The following KCNQ5 variants were observed in gnomAD, a reference collection of about 807,000 sequenced individuals.
The protein encoded by KCNQ5 is potassium voltage-gated channel subfamily Q member 5, also known as potassium voltage-gated channel subfamily KQT member 5.
A neutral mutation model predicts 98.2 loss-of-function variants in KCNQ5; 30 were observed. The observed-to-expected ratio is 0.31, with a 90% CI of 0.23 to 0.41. KCNQ5 has a LOEUF of 0.41. Ranked by LOEUF, KCNQ5 falls within the 10% of genes least tolerant of loss-of-function variation. The pLI is 1.00. For synonymous variants in KCNQ5, 458 were observed against 449.4 expected (o/e 1.02, Z -0.24); for missense variants, 835 against 1,182.5 (o/e 0.71, Z 4.31).
rs866590945 is a variant in KCNQ5 at position 73,077,436 on chromosome 6, G to A, written c.731G>A (p.Arg244His). The A allele has an allele frequency of 1.2e-6, 2 of 1,614,102 alleles. No individual in the cohort carries two copies. The highest frequency in any genetic ancestry group is 8.5e-7 in the Non-Finnish European group (1 of 1,179,976). ...TTCCTACAGATCCTCCGCATGGTGCGCATGGACCGAAGGGGAGGCACTTGG... is the reference window on the plus strand; with the variant it reads ...TTCCTACAGATCCTCCGCATGGTGCACATGGACCGAAGGGGAGGCACTTGG... ...LRFLQILRMV[R>H]MDRRGGTWKL... Residue 244 changes from arginine to histidine, a missense_variant, in exon 4 of 14, where the codon CGC (arginine) becomes CAC (histidine). Coordinates refer to ENST00000370398, the MANE Select transcript of KCNQ5 (RefSeq NM_019842.4).
intron 1 of KCNQ5, among the ~76,000 whole-genome samples, chr6:72,766,321 G>C (rs775790258): frequency 6.6e-6 from 1 of 151,992 alleles, no homozygotes; most frequent in Non-Finnish European, 1.5e-5. Context: ...GCTAAATCAT[G>C]CAAGGCTGGG....
intron 3 of KCNQ5, among the ~76,000 whole-genome samples, chr6:73,057,065 C>G (rs1022062994): frequency 4.6e-5 from 7 of 152,060 alleles, no homozygotes; most frequent in African/African-American, 1.7e-4. Context: ...ATAGCAAAGA[C>G]TTAGAACCAA....
chr6:72,971,253 T>C (rs1370005479), intron 1 of KCNQ5, among the ~76,000 whole-genome samples: 4 of 151,862 alleles, frequency 2.6e-5, no homozygotes, highest in East Asian at 1.9e-4. Context: ...AAATGCTCAT[T>C]ATCACTGGCC....
chr6:73,033,113 C>A (rs1409860794), intron 2 of KCNQ5, among the ~76,000 whole-genome samples: 1 of 152,150 alleles, frequency 6.6e-6, no homozygotes, highest in Admixed American at 6.5e-5. Flanking sequence ...GGCATCCCAA[C>A]TAGTAACTGG....
At chr6:72,956,742 A>C (rs1385802356) in intron 1 of KCNQ5, among the ~76,000 whole-genome samples, 1 of 151,232 alleles carries the variant, frequency 6.6e-6, no homozygotes, top group East Asian at 1.9e-4. Context: ...TACATGCAAA[A>C]CCTATGTATT....
rs191893047 is a variant in KCNQ5, at chr6:73,191,317, T to C, written c.1709+613T>C. ...GGTTGCAAGTGTGTTCACCTTGCTCTGGACTAAGACTGAGGTCCTTCATTC... is the reference window on the plus strand; with the variant it reads ...GGTTGCAAGTGTGTTCACCTTGCTCCGGACTAAGACTGAGGTCCTTCATTC... On this transcript the variant is annotated intron_variant, in intron 12 of 13. Transcript: ENST00000370398. Among the ~76,000 whole-genome samples, 101 of 151,604 alleles carry C rather than the reference T, an allele frequency of 6.7e-4. No homozygotes were observed. In the East Asian group the frequency reaches 0.016, roughly 25 times the overall value.
chr6:73,077,559 ATAGT>A, intron 4 of KCNQ5, 62 bp downstream of exon 4: 1 of 1,498,974 alleles, frequency 6.7e-7, no homozygotes, highest in East Asian at 2.4e-5. Flanking sequence ...GATCGCTGTA[ATAGT>A]TAATAAACCT....
chr6:72,791,546 C>G (rs1395635483), intron 1 of KCNQ5, among the ~76,000 whole-genome samples: 1 of 152,146 alleles, frequency 6.6e-6, no homozygotes, highest in Non-Finnish European at 1.5e-5. Context: ...CCTGCCTATG[C>G]CTGGTTGGTG....
At chr6:73,183,030 T>A (rs16883468) in intron 11 of KCNQ5, among the ~76,000 whole-genome samples, 7,304 of 152,174 alleles carry the variant, frequency 0.048, 196 homozygotes, top group East Asian at 0.1. Flanking sequence ...AGGCAGATGT[T>A]TTCCAAGTAT....
chr6:72,759,431 C>T (rs751756602), intron 1 of KCNQ5, among the ~76,000 whole-genome samples: 13 of 152,050 alleles, frequency 8.5e-5, no homozygotes, highest in Non-Finnish European at 1.6e-4. Context: ...TAAAGGAGGG[C>T]CATACAATAA....
intron 1 of KCNQ5, among the ~76,000 whole-genome samples, chr6:72,704,239 C>T (rs1007591142): frequency 6.6e-6 from 1 of 152,090 alleles, no homozygotes; most frequent in Non-Finnish European, 1.5e-5. Flanking sequence ...ATATTCCTCC[C>T]TCTGTTTATG....
intron 1 of KCNQ5, among the ~76,000 whole-genome samples, chr6:72,918,030 A>C (rs1780236043): frequency 6.6e-6 from 1 of 152,170 alleles, no homozygotes; most frequent in African/African-American, 2.4e-5. Flanking sequence ...GTAACAACCA[A>C]AAATGTCTCC....
intron 2 of KCNQ5, among the ~76,000 whole-genome samples, chr6:73,017,723 G>A (rs1401244933): frequency 6.6e-6 from 1 of 152,168 alleles, no homozygotes; most frequent in Non-Finnish European, 1.5e-5. Flanking sequence ...AAAAGAGACT[G>A]TGCAAGTGTT....
In KCNQ5 at chr6:72,812,617, T is replaced by G. The variant is rs769447020; in HGVS notation, c.398+190030T>G. On this transcript the variant is annotated intron_variant, in intron 1 of 13. Coordinates refer to ENST00000370398, the MANE Select transcript of KCNQ5 (RefSeq NM_019842.4). ...GAAAGAGCTAAGTGCCACTTTTGTATGAGGAAGGTCACTCCTGGCCAGAAA... is the reference window on the plus strand; with the variant it reads ...GAAAGAGCTAAGTGCCACTTTTGTAGGAGGAAGGTCACTCCTGGCCAGAAA... Among the ~76,000 whole-genome samples the G allele has an allele frequency of 2.0e-5, 3 of 152,278 alleles. No individual in the cohort carries two copies. In the South Asian group the frequency reaches 6.2e-4, roughly 32 times the overall value.
In KCNQ5 at chr6:72,986,692, G is replaced by A. The variant is rs1768792928; in HGVS notation, c.399-17216G>A. 4 of 1,132,510 alleles carry A rather than the reference G, an allele frequency of 3.5e-6. No individual in the cohort carries two copies. The East Asian group carries it at 9.6e-5, about 27-fold the overall frequency. The allele number at this position is 1,132,510 out of a possible 1,614,324, so 70.2% of individuals were successfully genotyped here. On this transcript the variant is annotated intron_variant, in intron 1 of 13. Coordinates refer to ENST00000370398, the MANE Select transcript of KCNQ5 (RefSeq NM_019842.4). ...TTGGCCATTTGGAGTTCCTCTGTGG[G>A]GAGAAGAAAAAGAAGAAGTCACCTC...
At chr6:72,906,888 G>A (rs947332927) in intron 1 of KCNQ5, among the ~76,000 whole-genome samples, 6 of 152,216 alleles carry the variant, frequency 3.9e-5, no homozygotes, top group African/African-American at 1.4e-4. Context: ...ATCCATCAGA[G>A]TTGGGGCTGC....
intron 1 of KCNQ5, among the ~76,000 whole-genome samples, chr6:72,736,710 G>A (rs542460983): frequency 0.012 from 1,733 of 150,148 alleles, 30 homozygotes; most frequent in African/African-American, 0.04. Flanking sequence ...CGTTTTAGCC[G>A]GGATGGTCTC....
chr6:72,953,254 A>C (rs918908928), intron 1 of KCNQ5, among the ~76,000 whole-genome samples: 1 of 152,212 alleles, frequency 6.6e-6, no homozygotes, highest in African/African-American at 2.4e-5. Context: ...GTGATTAATT[A>C]ACATTTTTTC....
chr6:72,643,178 T>C (rs1343128499), intron 1 of KCNQ5, among the ~76,000 whole-genome samples: 1 of 151,874 alleles, frequency 6.6e-6, no homozygotes, highest in Non-Finnish European at 1.5e-5. Flanking sequence ...AGTACCTGGG[T>C]AACAAAATAA....
Sources: allele counts gnomAD v4.1 joint callset (sites outside exome capture counted in the v4.1 genomes callset), GRCh38; gene constraint gnomAD v4.1.1; transcripts MANE v1.5; gene names NCBI Gene and HGNC (gene_info 2026-07-23, HGNC 2026-07-21).